The following MEIOB variants were observed in gnomAD, a reference collection of about 807,000 sequenced individuals.
MEIOB encodes meiosis specific with OB-fold, also known as meiosis-specific with OB domain-containing protein.
In MEIOB, 50 loss-of-function variants were observed where a neutral mutation model predicts 53.1. That is an observed-to-expected ratio of 0.94 (90% confidence interval 0.75 to 1.19). The LOEUF (loss-of-function observed/expected upper bound fraction) is 1.19. MEIOB is among the 50% of genes most tolerant of loss of function. The pLI is 0.00. For synonymous variants in MEIOB, 192 were observed against 182.5 expected (o/e 1.05, Z -0.42); for missense variants, 551 against 550.8 (o/e 1.00, Z 0.00).
At chr16:1,865,249 T>C (rs1238133669) in intron 3 of MEIOB, among the ~76,000 whole-genome samples, 1 of 152,014 alleles carries the variant, frequency 6.6e-6, no homozygotes, top group Non-Finnish European at 1.5e-5. Context: ...CTGGCCAAAA[T>C]GGTGAAACCC....
intron 13 of MEIOB, among the ~76,000 whole-genome samples, chr16:1,834,843 G>A (rs977322240): frequency 6.6e-6 from 1 of 152,214 alleles, no homozygotes; most frequent in Non-Finnish European, 1.5e-5. Context: ...GCTGAGGCAG[G>A]AGAATCCCTT....
intron 9 of MEIOB, among the ~76,000 whole-genome samples, chr16:1,851,125 C>G (rs1899158611): frequency 6.6e-6 from 1 of 152,060 alleles, no homozygotes; most frequent in East Asian, 1.9e-4. Context: ...GCTCCAAACC[C>G]CAGCCTGCTA....
chr16:1,841,904 G>A lies in MEIOB; in HGVS notation c.950C>T (p.Ala317Val). The A allele has an allele frequency of 6.2e-7, 1 of 1,608,892 alleles. No individual in the cohort carries two copies. Among genetic ancestry groups the A allele is most frequent in the Non-Finnish European group, 8.5e-7 (1 of 1,177,428 alleles). Reference protein sequence around the residue: ...KGKALKNEGKADPSYGILYAY... With the variant: ...KGKALKNEGKVDPSYGILYAY... ...ATAAAGGATGCCATAGGAAGGATCA[G>A]CTTTTCCTTCATTCTTCAAAGCTTT... The change falls in exon 11 of 14, where the codon GCT becomes GTT. Residue 317 changes from alanine (A) to valine (V), a missense_variant. Physicochemically the swap from Ala to Val is moderately conservative, Grantham distance 64. Coordinates refer to ENST00000325962, the MANE Select transcript of MEIOB (RefSeq NM_001163560.3).
intron 1 of MEIOB, among the ~76,000 whole-genome samples, chr16:1,868,850 A>G (rs1245259313): frequency 2.0e-5 from 3 of 152,006 alleles, no homozygotes; most frequent in Non-Finnish European, 4.4e-5. Context: ...GCGACACTCC[A>G]TCTCAAAGAA....
chr16:1,864,449 G>C (rs944078941), intron 3 of MEIOB, among the ~76,000 whole-genome samples: 2 of 151,182 alleles, frequency 1.3e-5, no homozygotes, highest in African/African-American at 4.9e-5. Flanking sequence ...TTCCCTCACA[G>C]TCTGATAGGT....
At chr16:1,848,807 G>C (rs867901849) in intron 9 of MEIOB, among the ~76,000 whole-genome samples, 1 of 151,694 alleles carries the variant, frequency 6.6e-6, no homozygotes, top group Non-Finnish European at 1.5e-5. Context: ...GCCTCCCAAA[G>C]TGTTGGGATT....
Position 1,837,864 on chromosome 16 carries a change from C to T in MEIOB, c.1225G>A (p.Glu409Lys). The change falls in exon 13 of 14, where the codon GAG becomes AAG. Residue 409 changes from glutamate to lysine, a missense_variant. Transcript: ENST00000325962. ...AEETLGCTVH[E>K]FLAMTDEQKT... The stretch of plus-strand genomic sequence containing the variant: ...TGTTCATCTGTCATTGCAAGAAACT[C>T]ATGTACCTGGTTAAAAAAAAAATAT... The T allele has an allele frequency of 6.6e-7, 1 of 1,510,390 alleles. No individual in the cohort carries two copies. The highest frequency in any genetic ancestry group is 8.9e-7 in the Non-Finnish European group (1 of 1,128,792). The allele number at this position is 1,510,390 out of a possible 1,614,324, so 93.6% of individuals were successfully genotyped here.
chr16:1,859,604 G>A (rs530176444), intron 5 of MEIOB, among the ~76,000 whole-genome samples: 29 of 152,202 alleles, frequency 1.9e-4, no homozygotes, highest in Non-Finnish European at 3.5e-4. Flanking sequence ...ATGAGTTCAC[G>A]GTGTTCATGA....
chr16:1,857,703 T>C lies in MEIOB; in HGVS notation c.528+32A>G, dbSNP rs1039773128. The C allele has an allele frequency of 5.3e-5, 82 of 1,535,446 alleles. 1 individual carries two copies. Among genetic ancestry groups the C allele is most frequent in the Non-Finnish European group, 6.3e-5 (71 of 1,134,598 alleles). On this transcript the variant is annotated intron_variant, in intron 6 of 13. Transcript: ENST00000325962. ...AAGTGACTGCACCTCCCCTGCCAGATTGCACTTGGCTTTGTCGGGGTTTTA... is the reference window on the plus strand; with the variant it reads ...AAGTGACTGCACCTCCCCTGCCAGACTGCACTTGGCTTTGTCGGGGTTTTA...
intron 3 of MEIOB, among the ~76,000 whole-genome samples, chr16:1,865,039 T>C (rs1361978106): frequency 6.6e-6 from 1 of 152,136 alleles, no homozygotes; most frequent in African/African-American, 2.4e-5. Context: ...ATCTGATCAC[T>C]CTAGGAGGAT....
intron 13 of MEIOB, among the ~76,000 whole-genome samples, chr16:1,836,622 G>T (rs1186122563): frequency 6.6e-6 from 1 of 151,860 alleles, no homozygotes; most frequent in Non-Finnish European, 1.5e-5. Context: ...GGCCACTGGA[G>T]ACTCCATGTC....
chr16:1,849,303 A>T lies in MEIOB; in HGVS notation c.778+3736T>A, dbSNP rs1899100712. 2.6e-5 allele frequency among the ~76,000 whole-genome samples: 4 copies of T among 152,242 alleles called. No individual in the cohort carries two copies. The South Asian group carries it at 8.3e-4, about 32-fold the overall frequency. ...CGCGGTGGCTCACACTTGTAATCCC[A>T]GCACTTTGGGAGGCCAAGGCAGGCA... On this transcript the variant is annotated intron_variant, in intron 9 of 13. Transcript: ENST00000325962.
chr16:1,845,159 A>G (rs1281806895), intron 9 of MEIOB, among the ~76,000 whole-genome samples, 196 bp from the exon 10 acceptor site: 1 of 152,214 alleles, frequency 6.6e-6, no homozygotes, highest in African/African-American at 2.4e-5. Flanking sequence ...TACATCTAAA[A>G]CAGATGTTAG....
chr16:1,866,791 A>C (rs1451817794), intron 2 of MEIOB, among the ~76,000 whole-genome samples: 3 of 152,168 alleles, frequency 2.0e-5, no homozygotes, highest in Non-Finnish European at 4.4e-5. Flanking sequence ...AAAAAACTAA[A>C]CTTATTTTGC....
At chr16:1,858,330 C>T (rs1023858461) in intron 5 of MEIOB, among the ~76,000 whole-genome samples, 1 of 152,148 alleles carries the variant, frequency 6.6e-6, no homozygotes, top group African/African-American at 2.4e-5. Context: ...TGTGTTTTTC[C>T]TACCCCTACT....
At position 1,861,979 on chromosome 16, in the gene MEIOB, A is replaced by G. The variant is rs1423112236; in HGVS notation, c.259+6T>C. On this transcript the variant is annotated splice_donor_region_variant and intron_variant, in intron 4 of 13. Coordinates refer to ENST00000325962, the MANE Select transcript of MEIOB (RefSeq NM_001163560.3). Reference sequence around the variant, plus strand: ...GGAAAAAGTTTAAGAATCAATGCCAACTTACCACAGTCACCAACCCTAAAG... The same window carrying G: ...GGAAAAAGTTTAAGAATCAATGCCAGCTTACCACAGTCACCAACCCTAAAG... The G allele has an allele frequency of 3.2e-6, 5 of 1,549,090 alleles. No homozygotes were observed. The African/African-American group carries it at 6.9e-5, about 21-fold the overall frequency.
At chr16:1,845,701 T>C (rs765304027) in intron 9 of MEIOB, among the ~76,000 whole-genome samples, 2 of 152,126 alleles carry the variant, frequency 1.3e-5, no homozygotes, top group Middle Eastern at 3.2e-3. Context: ...CAAAAGGCAA[T>C]TGAAATATAT....
chr16:1,841,012 C>CTTTTTTTTTTTTT (rs57826143), intron 11 of MEIOB: 41 of 106,400 alleles, frequency 3.9e-4, no homozygotes, highest in Non-Finnish European at 4.9e-4. Context: ...TCTTTTCTTT[C>CTTTTTTTTTTTTT]TTTTTTTTTT....
At chr16:1,869,176 G>C (rs184850749) in intron 1 of MEIOB, among the ~76,000 whole-genome samples, 2 of 152,090 alleles carry the variant, frequency 1.3e-5, no homozygotes, top group Non-Finnish European at 2.9e-5. Context: ...CCAGGGTGGA[G>C]TGCAGTGGCA....
Sources: gnomAD v4.1 joint callset for allele counts (sites outside exome capture counted in the v4.1 genomes callset) on GRCh38, gnomAD v4.1.1 for gene constraint, MANE v1.5 for transcripts, NCBI Gene and HGNC (gene_info 2026-07-23, HGNC 2026-07-21) for gene names.